ATP10A: variants seen among roughly 807,000 people sequenced by gnomAD.
ATP10A encodes the protein ATPase phospholipid transporting 10A (putative).
ATP10A carries 111 observed loss-of-function variants against 147.8 expected under a neutral mutation model. The observed-to-expected ratio is 0.75, with a 90% CI of 0.64 to 0.88. ATP10A has a LOEUF of 0.88. Among genes scored for constraint, ATP10A ranks in the 40% least tolerant of loss-of-function variants. ATP10A has a pLI of 0.00. For missense variants in ATP10A, 1,927 were observed against 1,959.0 expected (o/e 0.98, Z 0.31); for synonymous variants, 875 against 841.6 (o/e 1.04, Z -0.69).
chr15:25,719,012 G>A (rs1037701760), intron 7 of ATP10A, among the ~76,000 whole-genome samples: 4 of 152,212 alleles, frequency 2.6e-5, no homozygotes, highest in South Asian at 4.1e-4. Flanking sequence ...CCTGGTGAAC[G>A]CTGGGCAAAT....
Position 25,708,042 on chromosome 15 carries a change from G to T in ATP10A, c.2509C>A (p.Leu837Met). The change falls in exon 12 of 21, where the codon CTG (leucine) becomes ATG (methionine). Residue 837 changes from leucine to methionine, a missense_variant. Coordinates refer to ENST00000555815, the MANE Select transcript of ATP10A (RefSeq NM_024490.4). ...AAGAGGAGCTCCTCGCTGTTTTCCA[G>T]GGAGGATTCGGCTTCTAGGTGGCTT... ...LQSHLEAESSLENSEELLFQS... is the reference protein window; with the variant it reads ...LQSHLEAESSMENSEELLFQS... The T allele has an allele frequency of 6.2e-7, 1 of 1,614,172 alleles. No individual in the cohort carries two copies. The highest frequency in any genetic ancestry group is 8.5e-7 in the Non-Finnish European group (1 of 1,180,040).
chr15:25,852,985 G>A (rs147727529), intron 1 of ATP10A, among the ~76,000 whole-genome samples: 3,174 of 152,314 alleles, frequency 0.021, 42 homozygotes, highest in African/African-American at 0.037. Context: ...GGGCAAAGGA[G>A]AAGTTTTCCT....
chr15:25,737,006 A>G (rs1255068223), intron 2 of ATP10A, among the ~76,000 whole-genome samples: 1 of 152,192 alleles, frequency 6.6e-6, no homozygotes, highest in Non-Finnish European at 1.5e-5. Flanking sequence ...GCAACCACAC[A>G]TTTCCCTGCA....
intron 1 of ATP10A, among the ~76,000 whole-genome samples, chr15:25,843,357 C>T (rs547953168): frequency 5.0e-4 from 76 of 152,046 alleles, no homozygotes; most frequent in African/African-American, 1.7e-3. Context: ...TGGAAGGAAA[C>T]TCCTCAGTGC....
rs1447077637 is a variant in ATP10A, at chr15:25,736,116, A to G, written c.680T>C (p.Phe227Ser). The change falls in exon 3 of 21, where the codon TTC becomes TCC. Residue 227 changes from phenylalanine to serine, a missense_variant. Phe to Ser is a radical substitution (Grantham distance 155). Transcript: ENST00000555815. Reference sequence around the variant, plus strand: ...CTTCTCGCATTCGATCACGCTGGTGAACGTCAAAGGATTGAATTCGGAGAC... The same window carrying G: ...CTTCTCGCATTCGATCACGCTGGTGGACGTCAAAGGATTGAATTCGGAGAC... ...ELVSEFNPLT[F>S]TSVIECEKPN... The G allele has an allele frequency of 6.2e-7, 1 of 1,613,236 alleles. No individual in the cohort carries two copies. Among genetic ancestry groups the G allele is most frequent in the Non-Finnish European group, 8.5e-7 (1 of 1,180,016 alleles).
At chr15:25,762,287 G>A (rs1048840750) in intron 2 of ATP10A, among the ~76,000 whole-genome samples, 2 of 152,168 alleles carry the variant, frequency 1.3e-5, no homozygotes, top group African/African-American at 4.8e-5. Flanking sequence ...CCAGTCTTGG[G>A]TATGTTTTTA....
intron 14 of ATP10A, among the ~76,000 whole-genome samples, chr15:25,693,678 A>G (rs1007054376): frequency 6.6e-6 from 1 of 152,194 alleles, no homozygotes; most frequent in Non-Finnish European, 1.5e-5. Context: ...TGGCCTCAGG[A>G]CAGGCCATGG....
At chr15:25,688,718 G>C (rs1899839535) in intron 15 of ATP10A, among the ~76,000 whole-genome samples, 1 of 152,178 alleles carries the variant, frequency 6.6e-6, no homozygotes, top group Non-Finnish European at 1.5e-5. Flanking sequence ...GTAGAAAGCA[G>C]TAAGTTATGC....
At chr15:25,836,323 C>G (rs1473164855) in intron 1 of ATP10A, among the ~76,000 whole-genome samples, 1 of 152,194 alleles carries the variant, frequency 6.6e-6, no homozygotes, top group African/African-American at 2.4e-5. Context: ...CTTCAACTCT[C>G]TCTTTCTAAC....
rs888075811 is a variant in ATP10A, at chr15:25,717,736, A to C, written c.1581+446T>G. Among the ~76,000 whole-genome samples, 12 of 1,994 alleles carry C rather than the reference A, an allele frequency of 6.0e-3. No homozygotes were observed. In the Non-Finnish European group the frequency reaches 0.063, roughly 11 times the overall value. 1.3% of individuals were successfully genotyped at this position (1,994 alleles called of 152,430 possible). On this transcript the variant is annotated intron_variant, in intron 8 of 20. Transcript: ENST00000555815. ...AAGGCTCTTTCAGAGGTTATTGCTC[A>C]CTTCTCGCCTCTCCGTGCTGGATGA...
rs548426435 is a variant in ATP10A at position 25,733,897 on chromosome 15, C to T, written c.740+2159G>A. Among the ~76,000 whole-genome samples, 10 of 152,346 alleles carry T rather than the reference C, an allele frequency of 6.6e-5. No individual in the cohort carries two copies. The East Asian group carries it at 7.7e-4, about 12-fold the overall frequency. ...GCCGGTGAGGACACCACAGGAGGAA[C>T]GCCTGCTGGCGGCACAGGCTGGAGA... On this transcript the variant is annotated intron_variant, in intron 3 of 20. Transcript: ENST00000555815.
intron 2 of ATP10A, among the ~76,000 whole-genome samples, chr15:25,750,615 GGTAA>G (rs912845853): frequency 6.6e-5 from 10 of 152,040 alleles, no homozygotes; most frequent in African/African-American, 2.2e-4. Flanking sequence ...TATGAGCATG[GGTAA>G]GTAAGACTTT....
chr15:25,744,956 A>G (rs543245566), intron 2 of ATP10A, among the ~76,000 whole-genome samples: 1 of 152,220 alleles, frequency 6.6e-6, no homozygotes, highest in Non-Finnish European at 1.5e-5. Flanking sequence ...AGAACTTTTA[A>G]ATAGGGTCTG....
chr15:25,763,132 G>C (rs1406748281), intron 2 of ATP10A, among the ~76,000 whole-genome samples: 1 of 152,034 alleles, frequency 6.6e-6, no homozygotes, highest in Admixed American at 6.6e-5. Flanking sequence ...TTAGGGAAAG[G>C]GAAGCTTATT....
At chr15:25,674,646 C>T (rs1445488608), downstream of ATP10A, among the ~76,000 whole-genome samples, 2 of 152,216 alleles carry the variant, frequency 1.3e-5, no homozygotes, top group Non-Finnish European at 2.9e-5. Context: ...ATTTGCTGGA[C>T]AGCTGGTCTG....
At chr15:25,709,556 C>A (rs933022036) in intron 10 of ATP10A, 2 of 152,232 alleles carry the variant, frequency 1.3e-5, no homozygotes, top group African/African-American at 4.8e-5. Context: ...ATGAACCGAG[C>A]CCAGGGAGGG....
intron 2 of ATP10A, among the ~76,000 whole-genome samples, chr15:25,739,723 G>A (rs918773774): frequency 1.3e-5 from 2 of 152,194 alleles, no homozygotes; most frequent in Non-Finnish European, 2.9e-5. Flanking sequence ...TTCGCCCACT[G>A]CAGAGCAACA....
intron 15 of ATP10A, among the ~76,000 whole-genome samples, chr15:25,690,015 A>G (rs1291787272): frequency 6.6e-6 from 1 of 152,258 alleles, no homozygotes; most frequent in Non-Finnish European, 1.5e-5. Context: ...GAATGAATGA[A>G]CTATAGTTGA....
At chr15:25,844,045 A>C (rs1299147801) in intron 1 of ATP10A, among the ~76,000 whole-genome samples, 1 of 152,184 alleles carries the variant, frequency 6.6e-6, no homozygotes, top group Non-Finnish European at 1.5e-5. Flanking sequence ...TAGAGAGATC[A>C]CCTGATTTTA....
Sources: allele counts gnomAD v4.1 joint callset (sites outside exome capture counted in the v4.1 genomes callset), GRCh38; gene constraint gnomAD v4.1.1; transcripts MANE v1.5; gene names NCBI Gene and HGNC (gene_info 2026-07-23, HGNC 2026-07-21).